Variants in USP49 observed in about 807,000 individuals in gnomAD.
USP49 encodes the protein ubiquitin specific peptidase 49, also known as ubiquitin carboxyl-terminal hydrolase 49.
In USP49, 24 loss-of-function variants were observed where a neutral mutation model predicts 58.6. That is an observed-to-expected ratio of 0.41 (90% CI 0.30 to 0.58). The LOEUF is 0.58. Ranked by LOEUF, USP49 falls within the 20% of genes least tolerant of loss-of-function variation. The probability of loss-of-function intolerance (pLI) is 0.30; values close to 1 mark genes in which losing one functional copy is unlikely to be tolerated. For synonymous variants in USP49, 408 were observed against 365.1 expected (o/e 1.12, Z -1.34); for missense variants, 703 against 866.1 (o/e 0.81, Z 2.36).
In USP49 at chr6:41,875,882, C is replaced by T. The variant is rs530254341; in HGVS notation, c.-102-4245G>A. On this transcript the variant is annotated intron_variant, in intron 2 of 7. Coordinates refer to ENST00000682992, the MANE Select transcript of USP49 (RefSeq NM_001286554.2). ...GAGTAGCTGGGATTACAGGCACGCA[C>T]CACCACACCCGGCTAATTTTTGTAT... Among the ~76,000 whole-genome samples, 217 of 152,260 alleles carry T rather than the reference C, an allele frequency of 1.4e-3. 1 individual carries two copies. The highest frequency in any genetic ancestry group is 4.8e-3 in the African/African-American group (198 of 41,562).
chr6:41,814,812 T>C (rs1773320590), intron 3 of USP49, among the ~76,000 whole-genome samples: 1 of 152,196 alleles, frequency 6.6e-6, no homozygotes, highest in African/African-American at 2.4e-5. Flanking sequence ...TATGGTAACA[T>C]GCTGACAGCC....
chr6:41,818,194 GATTA>G (rs1459101185), intron 3 of USP49, among the ~76,000 whole-genome samples: 2 of 152,106 alleles, frequency 1.3e-5, no homozygotes, highest in Non-Finnish European at 2.9e-5. Context: ...CAGACTTTTT[GATTA>G]ATTAACTTAA....
intron 3 of USP49, among the ~76,000 whole-genome samples, chr6:41,839,564 CA>C (rs137975096): frequency 0.25 from 37,533 of 147,380 alleles, 4,866 homozygotes; most frequent in Middle Eastern, 0.31. Context: ...TAAATTGAAA[CA>C]AAAAAAAATA....
chr6:41,875,771 G>A (rs763287885), intron 2 of USP49, among the ~76,000 whole-genome samples: 2 of 151,736 alleles, frequency 1.3e-5, no homozygotes, highest in Admixed American at 6.6e-5. Context: ...ACAGCCTGTC[G>A]CCCAGGCTGG....
intron 2 of USP49, among the ~76,000 whole-genome samples, chr6:41,888,958 T>C (rs190437998): frequency 3.9e-4 from 59 of 152,234 alleles, no homozygotes; most frequent in African/African-American, 1.3e-3. Context: ...GGGGGGAAGG[T>C]AATATAATAT....
At chr6:41,835,989 G>A (rs561244353) in intron 3 of USP49, among the ~76,000 whole-genome samples, 68 of 151,746 alleles carry the variant, frequency 4.5e-4, no homozygotes, top group Middle Eastern at 3.4e-3. Flanking sequence ...GAGGTGAGAG[G>A]AGCACTTGAG....
At chr6:41,858,047 G>A (rs934479515) in intron 3 of USP49, among the ~76,000 whole-genome samples, 1 of 152,132 alleles carries the variant, frequency 6.6e-6, no homozygotes, top group Non-Finnish European at 1.5e-5. Flanking sequence ...TGTAGCATGT[G>A]GCATTGTGTA....
intron 3 of USP49, among the ~76,000 whole-genome samples, chr6:41,821,933 G>A (rs572543103): frequency 2.0e-5 from 3 of 152,154 alleles, no homozygotes; most frequent in African/African-American, 7.2e-5. Context: ...TCTACATGAC[G>A]CTGGTTTTAC....
intron 3 of USP49, among the ~76,000 whole-genome samples, chr6:41,816,428 C>A (rs555220777): frequency 2.6e-5 from 4 of 152,134 alleles, no homozygotes; most frequent in Admixed American, 2.6e-4. Flanking sequence ...TTTTAGACAA[C>A]TGTTCTTGTC....
intron 3 of USP49, among the ~76,000 whole-genome samples, chr6:41,847,880 T>G (rs1773950545): frequency 6.6e-6 from 1 of 152,158 alleles, no homozygotes; most frequent in African/African-American, 2.4e-5. Context: ...AAATAACAGC[T>G]GCAAGCTTCC....
chr6:41,822,857 G>C (rs546497263), intron 3 of USP49, among the ~76,000 whole-genome samples: 1 of 151,488 alleles, frequency 6.6e-6, no homozygotes, highest in Non-Finnish European at 1.5e-5. Context: ...TTGGTTTCAA[G>C]AGAAAAGATG....
At chr6:41,819,122 C>T (rs181812008) in intron 3 of USP49, among the ~76,000 whole-genome samples, 32 of 152,076 alleles carry the variant, frequency 2.1e-4, no homozygotes, top group South Asian at 1.5e-3. Flanking sequence ...GATACAAGGT[C>T]GGGTTCGGAT....
intron 3 of USP49, among the ~76,000 whole-genome samples, chr6:41,837,864 T>C (rs1773754872): frequency 6.6e-6 from 1 of 152,168 alleles, no homozygotes; most frequent in African/African-American, 2.4e-5. Context: ...ATGCTCAGCA[T>C]CACTAATCAT....
At chr6:41,887,701 G>A (rs1774738035) in intron 2 of USP49, among the ~76,000 whole-genome samples, 1 of 152,182 alleles carries the variant, frequency 6.6e-6, no homozygotes, top group African/African-American at 2.4e-5. Flanking sequence ...TGCCAGCCCT[G>A]GCTGCATAGA....
intron 3 of USP49, among the ~76,000 whole-genome samples, chr6:41,858,003 G>C (rs924719353): frequency 6.6e-6 from 1 of 152,108 alleles, no homozygotes; most frequent in Non-Finnish European, 1.5e-5. Context: ...AAAGACTGAG[G>C]ATACAGACAA....
At chr6:41,876,162 T>A (rs1435689612) in intron 2 of USP49, among the ~76,000 whole-genome samples, 1 of 152,214 alleles carries the variant, frequency 6.6e-6, no homozygotes, top group African/African-American at 2.4e-5. Flanking sequence ...TCAAAGTGTT[T>A]CCACGCACAT....
At chr6:41,805,586 T>C (rs746831410) in intron 4 of USP49, 42 bp downstream of exon 4, 1 of 1,569,804 alleles carries the variant, frequency 6.4e-7, no homozygotes, top group African/African-American at 1.4e-5. Flanking sequence ...AAGCCCAAGC[T>C]AACATACAAG....
At chr6:41,875,925 T>A (rs1056154640) in intron 2 of USP49, among the ~76,000 whole-genome samples, 2 of 152,090 alleles carry the variant, frequency 1.3e-5, no homozygotes, top group Non-Finnish European at 2.9e-5. Context: ...AGAGATGGGG[T>A]TTCACCATGT....
At chr6:41,813,616 C>T (rs1773295948) in intron 3 of USP49, among the ~76,000 whole-genome samples, 3 of 152,316 alleles carry the variant, frequency 2.0e-5, no homozygotes, top group South Asian at 2.1e-4. Flanking sequence ...TCACGCACAT[C>T]CTCTCCTGCA....
Sources: gnomAD v4.1 joint callset for allele counts (sites outside exome capture counted in the v4.1 genomes callset) on GRCh38, gnomAD v4.1.1 for gene constraint, MANE v1.5 for transcripts, NCBI Gene and HGNC (gene_info 2026-07-23, HGNC 2026-07-21) for gene names.